The following EFCAB9 variants were observed in gnomAD, a reference collection of about 807,000 sequenced individuals.
The protein encoded by EFCAB9 is EF-hand calcium-binding domain-containing protein 9.
EFCAB9 carries 16 observed loss-of-function variants against 15.6 expected under a neutral mutation model. The observed-to-expected ratio is 1.03, with a 90% CI of 0.69 to 1.56. EFCAB9 has a LOEUF of 1.56. EFCAB9 is among the 40% of genes most tolerant of loss of function. EFCAB9 has a pLI of 0.00. For missense variants in EFCAB9, 208 were observed against 235.4 expected (o/e 0.88, Z 0.76); for synonymous variants, 76 against 85.4 (o/e 0.89, Z 0.61).
At position 172,203,215 on chromosome 5, in the gene EFCAB9, G is replaced by T; in HGVS notation, c.464G>T (p.Arg155Leu). 6.6e-7 allele frequency: 1 copy of T among 1,511,738 alleles called. No homozygotes were observed. Among genetic ancestry groups the T allele is most frequent in the South Asian group, 1.3e-5 (1 of 79,778 alleles). The allele number at this position is 1,511,738 out of a possible 1,614,324, so 93.6% of individuals were successfully genotyped here. A position where few individuals can be genotyped will look rare whatever the true frequency, so the allele number is the denominator to read the frequency against. Residue 155 changes from arginine to leucine, a missense_variant and splice_region_variant, in exon 4 of 4, where the codon CGT becomes CTT. Transcript: ENST00000398186. ...FRDFDITGDN[R>L]LNYQEFKLYT... Reference sequence around the variant, plus strand: ...CTTTCCCCCCCACCCTAACCAAAGCGTCTTAATTATCAGGAATTTAAGCTG... The same window carrying T: ...CTTTCCCCCCCACCCTAACCAAAGCTTCTTAATTATCAGGAATTTAAGCTG...
intron 1 of EFCAB9, among the ~76,000 whole-genome samples, chr5:172,195,292 T>C (rs1024651078): frequency 1.3e-5 from 2 of 152,208 alleles, no homozygotes; most frequent in Non-Finnish European, 2.9e-5. Context: ...TTTTTAGGAC[T>C]GAGTAGAAAT....
At chr5:172,196,387 TTC>T (rs1462457798) in intron 1 of EFCAB9, among the ~76,000 whole-genome samples, 1 of 148,958 alleles carries the variant, frequency 6.7e-6, no homozygotes, top group Non-Finnish European at 1.5e-5. Flanking sequence ...GTGGAGACAT[TTC>T]TTTTTTTTTT....
Position 172,199,454 on chromosome 5 carries a change from A to G in EFCAB9, c.208A>G (p.Met70Val). The change falls in exon 2 of 4, where the codon ATG becomes GTG. Residue 70 changes from methionine to valine, a missense_variant. Met to Val is a conservative substitution (Grantham distance 21). Transcript: ENST00000398186. ...KKAQINIVFDMLDWNAVGEID... is the reference protein window; with the variant it reads ...KKAQINIVFDVLDWNAVGEID... ...GGCACAGATCAACATTGTGTTTGACATGCTGGACTGGAACGCTGTGGGCGA... is the reference window on the plus strand; with the variant it reads ...GGCACAGATCAACATTGTGTTTGACGTGCTGGACTGGAACGCTGTGGGCGA... 1.3e-6 allele frequency: 2 copies of G among 1,537,330 alleles called. No homozygotes were observed. The highest frequency in any genetic ancestry group is 1.7e-6 in the Non-Finnish European group (2 of 1,146,922).
intron 1 of EFCAB9, among the ~76,000 whole-genome samples, chr5:172,197,035 A>G (rs983410169): frequency 6.6e-6 from 1 of 152,142 alleles, no homozygotes; most frequent in Non-Finnish European, 1.5e-5. Context: ...GAGTTTCACC[A>G]TGGAAAAAAA....
chr5:172,200,347 T>C (rs949385031), intron 2 of EFCAB9, among the ~76,000 whole-genome samples: 3 of 152,198 alleles, frequency 2.0e-5, no homozygotes, highest in African/African-American at 7.2e-5. Flanking sequence ...CAGAATTGAT[T>C]ATTACAAGAG....
chr5:172,202,213 T>C (rs6885000), intron 3 of EFCAB9, among the ~76,000 whole-genome samples: 108,151 of 151,082 alleles, frequency 0.72, 39,057 homozygotes, highest in African/African-American at 0.82. Flanking sequence ...TGGTGGCAGG[T>C]GCCTGTGGTC....
At chr5:172,202,861 G>A (rs1404703554) in intron 3 of EFCAB9, among the ~76,000 whole-genome samples, 4 of 152,152 alleles carry the variant, frequency 2.6e-5, no homozygotes, top group African/African-American at 7.2e-5. Flanking sequence ...TTAGCTGGGC[G>A]TGGTGGTGTG....
intron 2 of EFCAB9, among the ~76,000 whole-genome samples, chr5:172,199,932 CTT>C (rs34086491): frequency 1.4e-4 from 14 of 102,322 alleles, no homozygotes; most frequent in South Asian, 1.4e-3. Context: ...ACCCAGTTTC[CTT>C]TTTTTTTTTT....
chr5:172,200,802 A>T, intron 3 of EFCAB9, 60 bp downstream of exon 3: 1 of 1,468,728 alleles, frequency 6.8e-7, no homozygotes, highest in Non-Finnish European at 9.1e-7. Context: ...AGCAGAGAAA[A>T]ATGTCCTACT....
intron 1 of EFCAB9, among the ~76,000 whole-genome samples, chr5:172,198,283 T>C (rs922694276): frequency 4.6e-5 from 7 of 151,846 alleles, no homozygotes; most frequent in African/African-American, 1.5e-4. Flanking sequence ...CAGAGGCAGG[T>C]GGATTGCTTG....
intron 3 of EFCAB9, 63 bp downstream of exon 3, chr5:172,200,805 G>A: frequency 1.4e-6 from 2 of 1,459,966 alleles, no homozygotes; most frequent in South Asian, 1.3e-5. Flanking sequence ...AGAGAAAAAT[G>A]TCCTACTACA....
chr5:172,202,353 AAAAG>A (rs1386987150), intron 3 of EFCAB9, among the ~76,000 whole-genome samples: 5 of 149,464 alleles, frequency 3.3e-5, no homozygotes, highest in African/African-American at 9.9e-5. Flanking sequence ...AAAAAAAAAA[AAAAG>A]AAAGTAATGG....
chr5:172,196,697 GGAGA>G lies in EFCAB9; in HGVS notation c.136+2393_136+2396del, dbSNP rs35273605. 2.6e-3 allele frequency among the ~76,000 whole-genome samples: 397 copies of G among 152,230 alleles called. 1 individual carries two copies. Among genetic ancestry groups the G allele is most frequent in the African/African-American group, 9.1e-3 (377 of 41,538 alleles). On this transcript the variant is annotated intron_variant, in intron 1 of 3. Transcript: ENST00000398186. ...GCCCACTGGAGCCATTTCTTATGCA[GGAGA>G]GAGTTTCTGTCATCAGTGAGTAAGG...
rs1223524669 is a variant in EFCAB9 at position 172,203,365 on chromosome 5, TG to T, written c.*22del. 2 of 1,519,534 alleles carry T rather than the reference TG, an allele frequency of 1.3e-6. No individual in the cohort carries two copies. Among genetic ancestry groups the T allele is most frequent in the African/African-American group, 2.8e-5 (2 of 71,458 alleles). The allele number at this position is 1,519,534 out of a possible 1,614,324, so 94.1% of individuals were successfully genotyped here. A position where few individuals can be genotyped will look rare whatever the true frequency, so the allele number is the denominator to read the frequency against. On this transcript the variant is annotated 3_prime_UTR_variant, in exon 4 of 4. Transcript: ENST00000398186. Reference sequence around the variant, plus strand: ...AAGTAGATACAAGCTGAAAGAGTCTTGGAAAAAAATGGGATCTGAAAGTACA... The same window carrying T: ...AAGTAGATACAAGCTGAAAGAGTCTTGAAAAAAATGGGATCTGAAAGTACA...
Position 172,203,196 on chromosome 5 carries a change from C to T in EFCAB9, c.463-18C>T, listed in dbSNP as rs75173530. The T allele has an allele frequency of 2.4e-5, 33 of 1,359,744 alleles. No homozygotes were observed. The highest frequency in any genetic ancestry group is 1.8e-4 in the African/African-American group (6 of 34,046). The allele number at this position is 1,359,744 out of a possible 1,614,324, so 84.2% of individuals were successfully genotyped here. A position where few individuals can be genotyped will look rare whatever the true frequency, so the allele number is the denominator to read the frequency against. Reference sequence around the variant, plus strand: ...TTTTCCTGAAATAATTTTTCTTTCCCCCCCACCCTAACCAAAGCGTCTTAA... The same window carrying T: ...TTTTCCTGAAATAATTTTTCTTTCCTCCCCACCCTAACCAAAGCGTCTTAA... On this transcript the variant is annotated intron_variant, in intron 3 of 3. Transcript: ENST00000398186.
At chr5:172,195,183 A>AAAT (rs1771139147) in intron 1 of EFCAB9, among the ~76,000 whole-genome samples, 1 of 146,988 alleles carries the variant, frequency 6.8e-6, no homozygotes, top group Non-Finnish European at 1.5e-5. Context: ...TAAATAAATA[A>AAAT]AAATAAATAA....
Position 172,200,689 on chromosome 5 carries a change from C to T in EFCAB9, c.409C>T (p.Gln137Ter). The T allele has an allele frequency of 6.5e-7, 1 of 1,537,408 alleles. No individual in the cohort carries two copies. The highest frequency in any genetic ancestry group is 8.7e-7 in the Non-Finnish European group (1 of 1,146,964). ...FEMYRFLFNI[Q>*]KQELKDLFRD... ...AATGTACAGATTTCTCTTCAATATT[C>T]AAAAACAGGAACTCAAAGATCTCTT... The change falls in exon 3 of 4, where the codon CAA becomes TAA. Residue 137 changes from glutamine (Q) to a stop codon, truncating the protein, a stop_gained. Transcript: ENST00000398186. LOFTEE classifies it high-confidence loss of function.
chr5:172,203,189 T>C, intron 3 of EFCAB9, 25 bp from the exon 4 acceptor site: 1 of 1,435,280 alleles, frequency 7.0e-7, no homozygotes. Flanking sequence ...AAATAATTTT[T>C]CTTTCCCCCC....
chr5:172,194,495 G>A (rs1771125805), intron 1 of EFCAB9, among the ~76,000 whole-genome samples, 187 bp downstream of exon 1: 1 of 152,096 alleles, frequency 6.6e-6, no homozygotes, highest in South Asian at 2.1e-4. Flanking sequence ...CGCCTCCAGG[G>A]TTCAAGCAAT....
Sources: allele counts gnomAD v4.1 joint callset (sites outside exome capture counted in the v4.1 genomes callset), GRCh38; gene constraint gnomAD v4.1.1; transcripts MANE v1.5; gene names NCBI Gene and HGNC (gene_info 2026-07-23, HGNC 2026-07-21).